The following SLC39A9 variants were observed in gnomAD, a reference collection of about 807,000 sequenced individuals.
SLC39A9 encodes the protein zinc transporter ZIP9.
In SLC39A9, 14 loss-of-function variants were observed where a neutral mutation model predicts 28.4. That is an observed-to-expected ratio of 0.49 (90% CI 0.33 to 0.77). The LOEUF (loss-of-function observed/expected upper bound fraction) is 0.77. Among genes scored for constraint, SLC39A9 ranks in the 30% least tolerant of loss-of-function variants. The pLI is 0.02. For synonymous variants in SLC39A9, 119 were observed against 149.6 expected, an observed-to-expected ratio of 0.80 and a Z score of 1.49; for missense variants, 283 against 381.1, an observed-to-expected ratio of 0.74 and a Z score of 2.14.
chr14:69,409,036 G>T (rs1356151200), intron 1 of SLC39A9, among the ~76,000 whole-genome samples: 1 of 152,134 alleles, frequency 6.6e-6, no homozygotes, highest in Non-Finnish European at 1.5e-5. Context: ...AGGAAACTGG[G>T]CCTCAAGTTT....
chr14:69,416,478 T>A (rs1883586279), intron 1 of SLC39A9, among the ~76,000 whole-genome samples: 2 of 152,212 alleles, frequency 1.3e-5, no homozygotes, highest in South Asian at 4.1e-4. Flanking sequence ...AGACTTTGGG[T>A]ATATACCCAG....
At position 69,418,794 on chromosome 14, in the gene SLC39A9, G is replaced by T. The variant is rs193201954; in HGVS notation, c.97-5300G>T. Among the ~76,000 whole-genome samples, 618 of 152,176 alleles carry T rather than the reference G, an allele frequency of 4.1e-3. 6 individuals are homozygous for T. The highest frequency in any genetic ancestry group is 0.014 in the African/African-American group (595 of 41,536). On this transcript the variant is annotated intron_variant, in intron 1 of 6. Transcript: ENST00000336643. ...CTTCTAGATTTTCTAGTTTATTTGC[G>T]TAGAGGTGTGTATAGTATTCTCTGA...
Position 69,459,499 on chromosome 14 carries a change from T to C in SLC39A9, c.*906T>C, listed in dbSNP as rs1886018156. 1 of 983,820 alleles carries C rather than the reference T, an allele frequency of 1.0e-6. No homozygotes were observed. The highest frequency in any genetic ancestry group is 6.2e-5 in the Admixed American group (1 of 16,258). The allele number at this position is 983,820 out of a possible 1,614,324, so 60.9% of individuals were successfully genotyped here. A position where few individuals can be genotyped will look rare whatever the true frequency, so the allele number is the denominator to read the frequency against. On this transcript the variant is annotated 3_prime_UTR_variant, in exon 7 of 7. Coordinates refer to ENST00000336643, the MANE Select transcript of SLC39A9 (RefSeq NM_018375.5). The stretch of plus-strand genomic sequence containing the variant: ...AGTGATTTTTGGATGGTTATTGATA[T>C]CTTTGTAGTAGCTTTTTTTAAAAGA...
chr14:69,426,990 ATT>A (rs1884229763), intron 2 of SLC39A9, among the ~76,000 whole-genome samples: 1 of 150,216 alleles, frequency 6.7e-6, no homozygotes, highest in Admixed American at 6.7e-5. Context: ...AGTTTTCCTG[ATT>A]TTTGACCCAA....
chr14:69,442,048 T>A (rs753023329), intron 2 of SLC39A9, 21 bp from the exon 3 acceptor site: 1 of 1,605,040 alleles, frequency 6.2e-7, no homozygotes, highest in Non-Finnish European at 8.5e-7. Flanking sequence ...TATTTTCTCT[T>A]TATGGTTTAT....
intron 2 of SLC39A9, among the ~76,000 whole-genome samples, chr14:69,434,269 A>G (rs1356676292): frequency 4.6e-5 from 7 of 151,430 alleles, no homozygotes; most frequent in African/African-American, 1.7e-4. Flanking sequence ...TTTTTAGTGG[A>G]GACAGGGTTT....
At chr14:69,441,754 A>G in intron 2 of SLC39A9, 2 of 1,035,806 alleles carry the variant, frequency 1.9e-6, no homozygotes, top group Non-Finnish European at 2.3e-6. Context: ...AATTTCTCAG[A>G]TAAAGGAATA....
chr14:69,405,229 C>T (rs1882851482), intron 1 of SLC39A9, among the ~76,000 whole-genome samples: 1 of 152,116 alleles, frequency 6.6e-6, no homozygotes, highest in Non-Finnish European at 1.5e-5. Flanking sequence ...TAATAACTGA[C>T]TCATTCATAA....
At chr14:69,451,853 C>T (rs1885625159) in intron 3 of SLC39A9, among the ~76,000 whole-genome samples, 1 of 152,096 alleles carries the variant, frequency 6.6e-6, no homozygotes. Flanking sequence ...ATACCTGGGA[C>T]TACAGGCATG....
At chr14:69,425,892 G>A (rs1470746727) in intron 2 of SLC39A9, among the ~76,000 whole-genome samples, 3 of 151,876 alleles carry the variant, frequency 2.0e-5, no homozygotes, top group Non-Finnish European at 4.4e-5. Context: ...TGCCAATTCC[G>A]GGACTCAAGC....
At chr14:69,449,339 G>A (rs974531774) in intron 3 of SLC39A9, among the ~76,000 whole-genome samples, 3 of 152,262 alleles carry the variant, frequency 2.0e-5, no homozygotes, top group East Asian at 3.9e-4. Flanking sequence ...TCAATTTAAC[G>A]TAGGCTGAGC....
chr14:69,445,016 T>TG (rs1458591424), intron 3 of SLC39A9, among the ~76,000 whole-genome samples: 2 of 151,008 alleles, frequency 1.3e-5, no homozygotes, highest in Non-Finnish European at 2.9e-5. Context: ...ATCTGTGAAC[T>TG]GATAGGGAGA....
In SLC39A9 at chr14:69,460,023, T is replaced by G; in HGVS notation, c.*1430T>G. On this transcript the variant is annotated 3_prime_UTR_variant, in exon 7 of 7. Coordinates refer to ENST00000336643, the MANE Select transcript of SLC39A9 (RefSeq NM_018375.5). ...TAAACAATTGAGATAGCAAAAGTGT[T>G]TAACAGACTAGGATAATTTTTTTTT... 1 of 985,246 alleles carries G rather than the reference T, an allele frequency of 1.0e-6. No individual in the cohort carries two copies. Among genetic ancestry groups the G allele is most frequent in the Non-Finnish European group, 1.2e-6 (1 of 829,356 alleles). 61.0% of individuals were successfully genotyped at this position (985,246 alleles called of 1,614,324 possible).
chr14:69,427,602 C>T (rs930530828), intron 2 of SLC39A9, among the ~76,000 whole-genome samples: 7 of 152,100 alleles, frequency 4.6e-5, no homozygotes, highest in Admixed American at 4.6e-4. Flanking sequence ...ATGTTTTCTC[C>T]ACTCTCAACC....
At chr14:69,451,595 A>C (rs1885613844) in intron 3 of SLC39A9, among the ~76,000 whole-genome samples, 1 of 152,220 alleles carries the variant, frequency 6.6e-6, no homozygotes, top group African/African-American at 2.4e-5. Context: ...GAAAACATTC[A>C]AGTGAAAATG....
At chr14:69,454,333 C>G (rs1885754153) in intron 4 of SLC39A9, among the ~76,000 whole-genome samples, 1 of 152,160 alleles carries the variant, frequency 6.6e-6, no homozygotes, top group Non-Finnish European at 1.5e-5. Context: ...TGCACTGGCA[C>G]GATTCGGCTC....
At chr14:69,427,627 A>G (rs182503929) in intron 2 of SLC39A9, among the ~76,000 whole-genome samples, 1 of 152,270 alleles carries the variant, frequency 6.6e-6, no homozygotes, top group African/African-American at 2.4e-5. Context: ...GCAACCACTG[A>G]TCTCTGTCTA....
At chr14:69,429,540 A>G (rs1486193790) in intron 2 of SLC39A9, 1 of 152,226 alleles carries the variant, frequency 6.6e-6, no homozygotes, top group Non-Finnish European at 1.5e-5. Context: ...AGCCTGGGCA[A>G]CATAGTGAAA....
At chr14:69,400,183 T>G (rs1192149647) in intron 1 of SLC39A9, among the ~76,000 whole-genome samples, 1 of 152,250 alleles carries the variant, frequency 6.6e-6, no homozygotes, top group Non-Finnish European at 1.5e-5. Context: ...GTTTTTTGGA[T>G]GTCTGTACTA....
Sources: gnomAD v4.1 joint callset for allele counts (sites outside exome capture counted in the v4.1 genomes callset) on GRCh38, gnomAD v4.1.1 for gene constraint, MANE v1.5 for transcripts, NCBI Gene and HGNC (gene_info 2026-07-23, HGNC 2026-07-21) for gene names.